SLC6A4: variants seen among roughly 807,000 people sequenced by gnomAD.
The protein encoded by SLC6A4 is solute carrier family 6 member 4.
In SLC6A4, 22 loss-of-function variants were observed where a neutral mutation model predicts 73.4. The observed-to-expected ratio is 0.30, with a 90% confidence interval of 0.21 to 0.43. The LOEUF (loss-of-function observed/expected upper bound fraction) is 0.43. Ranked by LOEUF, SLC6A4 falls within the 20% of genes least tolerant of loss-of-function variation. The pLI is 1.00. For missense variants in SLC6A4, 593 were observed against 808.5 expected (o/e 0.73, Z 3.23); for synonymous variants, 270 against 315.5 (o/e 0.86, Z 1.53).
At chr17:30,230,045 A>AAAGAAGAAGAAGAAG (rs1189804200) in intron 1 of SLC6A4, among the ~76,000 whole-genome samples, 1,689 of 111,082 alleles carry the variant, frequency 0.015, 28 homozygotes, top group East Asian at 0.074. Flanking sequence ...GAAAAAGAAG[A>AAAGAAGAAGAAGAAG]AAGAAGAAGA....
chr17:30,204,250 G>A (rs1906122296), intron 13 of SLC6A4: 1 of 152,114 alleles, frequency 6.6e-6, no homozygotes, highest in Non-Finnish European at 1.5e-5. Flanking sequence ...CAGTCATAAA[G>A]AAGACAGTAA....
rs1362266683 is a variant in SLC6A4 at position 30,221,772 on chromosome 17, T to A, written c.187A>T (p.Ile63Phe). 6.2e-7 allele frequency: 1 copy of A among 1,614,168 alleles called. No homozygotes were observed. The highest frequency in any genetic ancestry group is 8.5e-7 in the Non-Finnish European group (1 of 1,180,038). The change falls in exon 3 of 15, where the codon ATC (isoleucine) becomes TTC (phenylalanine). Residue 63 changes from isoleucine (I) to phenylalanine (F), a missense_variant. Physicochemically the swap from Ile to Phe is conservative, Grantham distance 21. Coordinates refer to ENST00000650711, the MANE Select transcript of SLC6A4 (RefSeq NM_001045.6). ...PGAGDDTRHS[I>F]PATTTTLVAE... ...ACTAGGGTGGTGGTGGTCGCTGGGA[T>A]AGAGTGCCGTGTGTCATCTCCCGCA... is the stretch of plus-strand genomic sequence containing the variant.
intron 1 of SLC6A4, among the ~76,000 whole-genome samples, chr17:30,233,953 T>A (rs137928292): frequency 2.0e-3 from 304 of 152,252 alleles, no homozygotes; most frequent in African/African-American, 7.0e-3. Flanking sequence ...GCAGCGGACA[T>A]CCAGGGTGTT....
chr17:30,205,541 A>C (rs1456078539), intron 13 of SLC6A4, among the ~76,000 whole-genome samples: 1 of 152,210 alleles, frequency 6.6e-6, no homozygotes, highest in Non-Finnish European at 1.5e-5. Flanking sequence ...AAAACAACTA[A>C]AACTTCTGGA....
intron 3 of SLC6A4, 30 bp downstream of exon 3, chr17:30,221,586 C>G: frequency 6.3e-7 from 1 of 1,589,532 alleles, no homozygotes; most frequent in Non-Finnish European, 8.6e-7. Flanking sequence ...CCCTGGGTCA[C>G]AGCCTCTACT....
At position 30,209,210 on chromosome 17, in the gene SLC6A4, C is replaced by A. The variant is rs200510224; in HGVS notation, c.1482G>T (p.Glu494Asp). ...TGAGCACTGCGGGCCCCGTGGCATACTCCTCCAGCAGCTTCACCACGTAGG... is the reference window on the plus strand; with the variant it reads ...TGAGCACTGCGGGCCCCGTGGCATAATCCTCCAGCAGCTTCACCACGTAGG... ...GGAYVVKLLE[E>D]YATGPAVLTV... Residue 494 changes from glutamate (E) to aspartate (D), a missense_variant, in exon 12 of 15, where the codon GAG becomes GAT. Glu to Asp is a conservative substitution (Grantham distance 45). Coordinates refer to ENST00000650711, the MANE Select transcript of SLC6A4 (RefSeq NM_001045.6). 10 of 1,613,778 alleles carry A rather than the reference C, an allele frequency of 6.2e-6. No individual in the cohort carries two copies. In the South Asian group the frequency reaches 1.1e-4, roughly 18 times the overall value.
intron 1 of SLC6A4, among the ~76,000 whole-genome samples, chr17:30,233,948 G>A (rs1387370421): frequency 1.3e-5 from 2 of 152,016 alleles, no homozygotes; most frequent in African/African-American, 2.4e-5. Context: ...GTTTGGCAGC[G>A]GACATCCAGG....
chr17:30,216,843 TTTTG>T (rs147069304), intron 6 of SLC6A4, among the ~76,000 whole-genome samples: 7,563 of 148,430 alleles, frequency 0.051, 230 homozygotes, highest in African/African-American at 0.084. Context: ...TATTGTTTTT[TTTTG>T]TTTGTTTGTT....
At chr17:30,227,493 TG>T (rs1206548640) in intron 1 of SLC6A4, among the ~76,000 whole-genome samples, 2 of 151,910 alleles carry the variant, frequency 1.3e-5, no homozygotes, top group African/African-American at 2.4e-5. Context: ...GTGTGTGTGT[TG>T]TTTTTTTAAG....
At chr17:30,227,336 A>G (rs1322354688) in intron 1 of SLC6A4, among the ~76,000 whole-genome samples, 1 of 152,136 alleles carries the variant, frequency 6.6e-6, no homozygotes, top group African/African-American at 2.4e-5. Flanking sequence ...AAATGAAGAG[A>G]ATAGAGAAAA....
intron 3 of SLC6A4, among the ~76,000 whole-genome samples, chr17:30,220,747 C>A (rs1326401471): frequency 6.6e-6 from 1 of 152,172 alleles, no homozygotes. Flanking sequence ...AACTTGCCAG[C>A]AGGAGTGAAG....
At chr17:30,232,468 T>C in intron 1 of SLC6A4, among the ~76,000 whole-genome samples, 1 of 152,222 alleles carries the variant, frequency 6.6e-6, no homozygotes, top group East Asian at 1.9e-4. Context: ...TGTCTCCACA[T>C]CACTGGGTTG....
Position 30,227,011 on chromosome 17 carries a change from T to C in SLC6A4, c.-220-4096A>G, listed in dbSNP as rs571459565. 4.6e-5 allele frequency among the ~76,000 whole-genome samples: 7 copies of C among 152,350 alleles called. No homozygotes were observed. The East Asian group carries it at 1.2e-3, about 25-fold the overall frequency. On this transcript the variant is annotated intron_variant, in intron 1 of 14. Transcript: ENST00000650711. The stretch of plus-strand genomic sequence containing the variant: ...ACGATGCTTCTGGAGAGGCTGGTGC[T>C]GCCACACATCCCGTGGTGAACAGAG...
In SLC6A4 at chr17:30,203,046, A is replaced by G. The variant is rs907661068; in HGVS notation, c.1818+126T>C. ...GAGGTCTTCGCCATGGCACAGGTAC[A>G]TACATATATAGGGTTGCATGCCTCC... On this transcript the variant is annotated intron_variant, in intron 14 of 14. Transcript: ENST00000650711. The G allele has an allele frequency of 4.1e-6, 3 of 731,240 alleles. No individual in the cohort carries two copies. The African/African-American group carries it at 5.3e-5, about 13-fold the overall frequency. 45.3% of individuals were successfully genotyped at this position (731,240 alleles called of 1,614,324 possible).
In SLC6A4 at chr17:30,221,442, ACCC is replaced by A. The variant is rs1426314055; in HGVS notation, c.343+171_343+173del. On this transcript the variant is annotated intron_variant, in intron 3 of 14. Coordinates refer to ENST00000650711, the MANE Select transcript of SLC6A4 (RefSeq NM_001045.6). ...CACAGCCCACCCCAGGTCACAGCCC[ACCC>A]GGGTCACAGCCCACCCCAGGTCACA... Among the ~76,000 whole-genome samples, 4 of 139,630 alleles carry A rather than the reference ACCC, an allele frequency of 2.9e-5. No individual in the cohort carries two copies. In the East Asian group the frequency reaches 8.2e-4, roughly 29 times the overall value. The allele number at this position is 139,630 out of a possible 152,430, so 91.6% of individuals were successfully genotyped here. A position where few individuals can be genotyped will look rare whatever the true frequency, so the allele number is the denominator to read the frequency against.
At position 30,211,350 on chromosome 17, in the gene SLC6A4, A is replaced by G; in HGVS notation, c.1279T>C (p.Phe427Leu). 6.2e-7 allele frequency: 1 copy of G among 1,613,484 alleles called. No homozygotes were observed. The highest frequency in any genetic ancestry group is 1.1e-5 in the South Asian group (1 of 91,056). The change falls in exon 10 of 15, where the codon TTC becomes CTC. Residue 427 changes from phenylalanine to leucine, a missense_variant. Phe to Leu is a conservative substitution (Grantham distance 22, BLOSUM62 0). Coordinates refer to ENST00000650711, the MANE Select transcript of SLC6A4 (RefSeq NM_001045.6). This position sits in a 1 kb window ranked among gnomAD's most constrained non-coding sequence, Gnocchi z 4.0. ...CCCAGCGTGATTAACATCAGAAAGAAGATGATGGCAAAGAAAGTGGACGCT... is the reference window on the plus strand; with the variant it reads ...CCCAGCGTGATTAACATCAGAAAGAGGATGATGGCAAAGAAAGTGGACGCT... Reference protein sequence around the residue: ...MPASTFFAIIFFLMLITLGLD... With the variant: ...MPASTFFAIILFLMLITLGLD...
At chr17:30,231,441 ATATCTGTATG>A (rs965689045) in intron 1 of SLC6A4, among the ~76,000 whole-genome samples, 1 of 151,418 alleles carries the variant, frequency 6.6e-6, no homozygotes, top group Admixed American at 6.6e-5. Flanking sequence ...ATGTATATAT[ATATCTGTATG>A]TATCTGTATG....
chr17:30,214,260 T>G (rs56970610), intron 8 of SLC6A4, among the ~76,000 whole-genome samples: 1 of 151,516 alleles, frequency 6.6e-6, no homozygotes, highest in Non-Finnish European at 1.5e-5. Flanking sequence ...CCATCTCTAC[T>G]AAAAATACAA....
At chr17:30,223,740 C>T (rs1179101631) in intron 1 of SLC6A4, among the ~76,000 whole-genome samples, 1 of 152,090 alleles carries the variant, frequency 6.6e-6, no homozygotes, top group African/African-American at 2.4e-5. Context: ...CCGCCACCCA[C>T]CCCAGGCTCA....
Sources: gnomAD v4.1 joint callset for allele counts (sites outside exome capture counted in the v4.1 genomes callset) on GRCh38, gnomAD v4.1.1 for gene constraint, Gnocchi (gnomAD v3.1) non-coding constraint, MANE v1.5 for transcripts, NCBI Gene and HGNC (gene_info 2026-07-23, HGNC 2026-07-21) for gene names.